The following LGR5 variants were observed in gnomAD, a reference collection of about 807,000 sequenced individuals.
LGR5 encodes the protein leucine-rich repeat-containing G protein-coupled receptor 5.
In LGR5, 54 loss-of-function variants were observed where a neutral mutation model predicts 76.7. That is an observed-to-expected ratio of 0.70 (90% CI 0.57 to 0.88). The LOEUF (loss-of-function observed/expected upper bound fraction) is 0.88, where lower values mean the gene tolerates loss of function less well. LGR5 is among the 40% of genes least tolerant of loss of function. LGR5 has a pLI of 0.00. For missense variants in LGR5, 1,078 were observed against 1,073.3 expected (o/e 1.00, Z -0.06); for synonymous variants, 406 against 421.9 (o/e 0.96, Z 0.46).
At chr12:71,459,047 A>G (rs1247708300) in intron 1 of LGR5, among the ~76,000 whole-genome samples, 1 of 152,020 alleles carries the variant, frequency 6.6e-6, no homozygotes, top group African/African-American at 2.4e-5. Context: ...CAGTGGCTGA[A>G]TTCTCCTCTG....
At chr12:71,562,368 G>A (rs1452454669) in intron 8 of LGR5, among the ~76,000 whole-genome samples, 1 of 152,146 alleles carries the variant, frequency 6.6e-6, no homozygotes, top group Non-Finnish European at 1.5e-5. Context: ...ATTCTAGAAT[G>A]ATAAATAACA....
At position 71,485,803 on chromosome 12, in the gene LGR5, G is replaced by C. The variant is rs1172906767; in HGVS notation, c.213-18811G>C. 4.1e-5 allele frequency among the ~76,000 whole-genome samples: 6 copies of C among 148,038 alleles called. No individual in the cohort carries two copies. In the South Asian group the frequency reaches 6.4e-4, roughly 16 times the overall value. On this transcript the variant is annotated intron_variant, in intron 1 of 17. Transcript: ENST00000266674. ...TTTTTTTGAGAGGAAGTCTCACTCT[G>C]TCTCCAGGCTGGACTGCAGTGGTGC...
intron 1 of LGR5, among the ~76,000 whole-genome samples, chr12:71,503,888 G>T (rs1276582339): frequency 6.6e-6 from 1 of 151,916 alleles, no homozygotes; most frequent in Non-Finnish European, 1.5e-5. Flanking sequence ...AGAAATAGGG[G>T]GGAAAAAAAC....
In LGR5 at chr12:71,467,228, C is replaced by T. The variant is rs144125764; in HGVS notation, c.212+26936C>T. 3.1e-3 allele frequency among the ~76,000 whole-genome samples: 473 copies of T among 152,166 alleles called. 3 individuals are homozygous for T. Among genetic ancestry groups the T allele is most frequent in the African/African-American group, 0.011 (442 of 41,514 alleles). ...CTGATTCCAAAGCCTGTACTTTCCCCAGGACTCTAAGAGAATTTCAGCTAT... is the reference window on the plus strand; with the variant it reads ...CTGATTCCAAAGCCTGTACTTTCCCTAGGACTCTAAGAGAATTTCAGCTAT... On this transcript the variant is annotated intron_variant, in intron 1 of 17. Transcript: ENST00000266674.
intron 1 of LGR5, among the ~76,000 whole-genome samples, chr12:71,456,016 TTATAA>T (rs1437954536): frequency 6.6e-6 from 1 of 152,146 alleles, no homozygotes; most frequent in Admixed American, 6.5e-5. Flanking sequence ...GGTTAGAATA[TTATAA>T]TATACTGATA....
At chr12:71,575,428 G>T (rs1878804803) in intron 13 of LGR5, among the ~76,000 whole-genome samples, 1 of 152,166 alleles carries the variant, frequency 6.6e-6, no homozygotes, top group South Asian at 2.1e-4. Context: ...AAATCATAAT[G>T]TTGGGTGTGA....
intron 1 of LGR5, among the ~76,000 whole-genome samples, chr12:71,476,331 A>G (rs952681993): frequency 1.4e-4 from 21 of 152,224 alleles, no homozygotes; most frequent in Non-Finnish European, 2.9e-5. Context: ...ATAGGCATAC[A>G]AACTTCTAAG....
intron 16 of LGR5, chr12:71,582,147 C>T: frequency 3.7e-6 from 1 of 273,022 alleles, no homozygotes; most frequent in East Asian, 7.0e-5. Context: ...GGCCCATAGC[C>T]TCCTCTAATT....
At chr12:71,494,895 T>C (rs942927036) in intron 1 of LGR5, among the ~76,000 whole-genome samples, 17 of 151,172 alleles carry the variant, frequency 1.1e-4, no homozygotes, top group Non-Finnish European at 1.6e-4. Context: ...CAACAGGGAA[T>C]AAAATGATTC....
At chr12:71,453,547 G>A (rs190827511) in intron 1 of LGR5, among the ~76,000 whole-genome samples, 62 of 147,966 alleles carry the variant, frequency 4.2e-4, no homozygotes, top group Non-Finnish European at 6.1e-4. Flanking sequence ...AGCTTCTTGT[G>A]CTCTTAGAAG....
At chr12:71,515,384 A>G (rs1409058867) in intron 2 of LGR5, among the ~76,000 whole-genome samples, 1 of 152,230 alleles carries the variant, frequency 6.6e-6, no homozygotes, top group African/African-American at 2.4e-5. Flanking sequence ...TTTATTTAGG[A>G]CAATATTTTT....
chr12:71,516,694 A>G (rs1414015892), intron 2 of LGR5, among the ~76,000 whole-genome samples: 1 of 152,232 alleles, frequency 6.6e-6, no homozygotes, highest in South Asian at 2.1e-4. Context: ...AAAATTGTAC[A>G]TTCTCCAAAA....
intron 5 of LGR5, among the ~76,000 whole-genome samples, chr12:71,554,187 T>TTA (rs1231963773): frequency 6.6e-6 from 1 of 152,128 alleles, no homozygotes; most frequent in Non-Finnish European, 1.5e-5. Flanking sequence ...AGGCAAGAGT[T>TTA]TTTTAAAGAT....
intron 12 of LGR5, among the ~76,000 whole-genome samples, 176 bp downstream of exon 12, chr12:71,571,755 A>T (rs1269722546): frequency 6.6e-6 from 1 of 152,180 alleles, no homozygotes; most frequent in African/African-American, 2.4e-5. Flanking sequence ...AACATAGATA[A>T]TATTATTTTT....
chr12:71,504,492 A>G (rs1874759580), intron 1 of LGR5, 122 bp from the exon 2 acceptor site: 2 of 797,500 alleles, frequency 2.5e-6, no homozygotes, highest in African/African-American at 3.4e-5. Context: ...ATAGCAATTC[A>G]TTTGTCAAGC....
In LGR5 at chr12:71,579,934, T is replaced by C. The variant is rs191175403; in HGVS notation, c.1407-344T>C. On this transcript the variant is annotated intron_variant, in intron 15 of 17. Coordinates refer to ENST00000266674, the MANE Select transcript of LGR5 (RefSeq NM_003667.4). ...AAAATGTGCATAGAAATATATGTCA[T>C]ATTGTAGTCACTTATTCTGCCATAA... Among the ~76,000 whole-genome samples, 267 of 152,334 alleles carry C rather than the reference T, an allele frequency of 1.8e-3. 1 individual carries two copies. Among genetic ancestry groups the C allele is most frequent in the Middle Eastern group, 6.8e-3 (2 of 294 alleles).
At chr12:71,519,239 T>C (rs1356549154) in intron 2 of LGR5, among the ~76,000 whole-genome samples, 1 of 152,176 alleles carries the variant, frequency 6.6e-6, no homozygotes, top group Non-Finnish European at 1.5e-5. Context: ...TATCGATACC[T>C]GCATGGTGCA....
intron 1 of LGR5, among the ~76,000 whole-genome samples, chr12:71,460,038 GAAGAA>G (rs1465897331): frequency 6.6e-6 from 1 of 151,970 alleles, no homozygotes; most frequent in Non-Finnish European, 1.5e-5. Flanking sequence ...GAAGCAGAGA[GAAGAA>G]AATCATTCAC....
chr12:71,559,301 T>C (rs1461584115), intron 6 of LGR5, among the ~76,000 whole-genome samples: 1 of 152,138 alleles, frequency 6.6e-6, no homozygotes, highest in Non-Finnish European at 1.5e-5. Flanking sequence ...CTCTCCTACT[T>C]AGAAGTTAAT....
Sources: gnomAD v4.1 joint callset for allele counts (sites outside exome capture counted in the v4.1 genomes callset) on GRCh38, gnomAD v4.1.1 for gene constraint, MANE v1.5 for transcripts, NCBI Gene and HGNC (gene_info 2026-07-23, HGNC 2026-07-21) for gene names.